Variants in PTPRQ observed in about 807,000 individuals in gnomAD.
PTPRQ encodes the protein protein tyrosine phosphatase receptor type Q, also known as phosphatidylinositol phosphatase PTPRQ.
In PTPRQ, 199 loss-of-function variants were observed where a neutral mutation model predicts 246.0. The ratio of observed to expected loss-of-function variants is 0.81; its 90% CI spans 0.72 to 0.91. The LOEUF (loss-of-function observed/expected upper bound fraction) is 0.91, where lower values mean the gene tolerates loss of function less well. Among genes scored for constraint, PTPRQ ranks in the 40% least tolerant of loss-of-function variants. The pLI is 0.00. For missense variants in PTPRQ, 2,624 were observed against 2,528.4 expected (o/e 1.04, Z -0.81); for synonymous variants, 869 against 853.2 (o/e 1.02, Z -0.32).
Position 80,614,967 on chromosome 12 carries a change from C to T in PTPRQ, c.5163+1131C>T, listed in dbSNP as rs992095086. ...GTTTGCAGACTGCAATTTGCAGTAT[C>T]CTTAAAACCTTGAAGTTTGTTAGGA... On this transcript the variant is annotated intron_variant, in intron 29 of 44. Transcript: ENST00000644991. 2.0e-5 allele frequency among the ~76,000 whole-genome samples: 3 copies of T among 150,858 alleles called. No homozygotes were observed. In the Admixed American group the frequency reaches 2.0e-4, roughly 10 times the overall value.
intron 17 of PTPRQ, among the ~76,000 whole-genome samples, chr12:80,526,921 T>A (rs1256112794): frequency 4.6e-5 from 7 of 152,080 alleles, no homozygotes; most frequent in Admixed American, 4.6e-4. Flanking sequence ...GGCACTGATT[T>A]ACTGAAAAAA....
intron 35 of PTPRQ, among the ~76,000 whole-genome samples, chr12:80,644,906 A>G (rs1013714193): frequency 1.2e-4 from 18 of 152,108 alleles, no homozygotes; most frequent in Admixed American, 8.5e-4. Flanking sequence ...TCTAACTTTT[A>G]TTTGAAATAG....
intron 12 of PTPRQ, 24 bp downstream of exon 12, chr12:80,495,395 G>GTTGTA: frequency 6.7e-7 from 1 of 1,490,556 alleles, no homozygotes; most frequent in Non-Finnish European, 8.9e-7. Context: ...TTTTGTTGTT[G>GTTGTA]TTGTTGTTGT....
chr12:80,542,473 A>T, intron 22 of PTPRQ, 109 bp downstream of exon 22: 1 of 1,409,950 alleles, frequency 7.1e-7, no homozygotes, highest in East Asian at 2.6e-5. Flanking sequence ...TCTATTTGTA[A>T]CAGCCTTACC....
rs375866353 is a variant in PTPRQ at position 80,644,910 on chromosome 12, G to C, written c.5916-3987G>C. On this transcript the variant is annotated intron_variant, in intron 35 of 44. Coordinates refer to ENST00000644991, the MANE Select transcript of PTPRQ (RefSeq NM_001145026.2). ...GGAAGGAAATATCTAACTTTTATTT[G>C]AAATAGTCAGGTAATGTACCTCAAA... is the stretch of plus-strand genomic sequence containing the variant. 5.9e-5 allele frequency among the ~76,000 whole-genome samples: 9 copies of C among 152,132 alleles called. No homozygotes were observed. The East Asian group carries it at 1.2e-3, about 20-fold the overall frequency.
chr12:80,580,088 A>G (rs557775188), intron 25 of PTPRQ, among the ~76,000 whole-genome samples: 3 of 152,174 alleles, frequency 2.0e-5, no homozygotes, highest in Non-Finnish European at 4.4e-5. Flanking sequence ...GCAATTTCTA[A>G]TAACTGATAT....
intron 38 of PTPRQ, among the ~76,000 whole-genome samples, chr12:80,654,755 G>A (rs540726309): frequency 1.7e-4 from 26 of 151,720 alleles, no homozygotes; most frequent in African/African-American, 6.3e-4. Context: ...AGCTACTCGA[G>A]AGGCTGAGGC....
At chr12:80,607,680 G>A (rs1898379191) in intron 27 of PTPRQ, among the ~76,000 whole-genome samples, 1 of 150,790 alleles carries the variant, frequency 6.6e-6, no homozygotes, top group African/African-American at 2.4e-5. Flanking sequence ...TTGCACTTGG[G>A]ACTTATTGTG....
chr12:80,511,660 C>T (rs770060155), intron 17 of PTPRQ, among the ~76,000 whole-genome samples: 6 of 152,090 alleles, frequency 3.9e-5, no homozygotes, highest in Non-Finnish European at 8.8e-5. Context: ...GAGCTGTGAT[C>T]CAGTTGACAA....
Position 80,445,511 on chromosome 12 carries a change from C to G in PTPRQ, c.184C>G (p.Leu62Val). The G allele has an allele frequency of 6.5e-7, 1 of 1,544,784 alleles. No homozygotes were observed. The stretch of plus-strand genomic sequence containing the variant: ...AATAGAACCAGGGCCTCCAGTCTTC[C>G]TAGCCGGGGAAAGAGTCGGATCTGC... ...NVTKPGPPVF[L>V]AGERVGSAGI... Residue 62 changes from leucine (L) to valine (V), a missense_variant, in exon 3 of 45, where the codon CTA (leucine) becomes GTA (valine). Transcript: ENST00000644991.
intron 17 of PTPRQ, among the ~76,000 whole-genome samples, chr12:80,515,507 G>A (rs1895265699): frequency 6.6e-6 from 1 of 151,016 alleles, no homozygotes; most frequent in Admixed American, 6.6e-5. Context: ...TGCAACCTCT[G>A]CCTCCTGGGT....
At chr12:80,649,265 G>C (rs911654005) in intron 36 of PTPRQ, among the ~76,000 whole-genome samples, 7 of 152,100 alleles carry the variant, frequency 4.6e-5, no homozygotes, top group African/African-American at 1.7e-4. Context: ...GTCTGACAAA[G>C]AGGTATTATG....
Position 80,669,042 on chromosome 12 carries a change from A to G in PTPRQ, c.6228A>G (p.Gln2076=). 6.5e-7 allele frequency: 1 copy of G among 1,550,292 alleles called. No individual in the cohort carries two copies. Among genetic ancestry groups the G allele is most frequent in the Non-Finnish European group, 8.7e-7 (1 of 1,145,974 alleles). ...YLCPNEFIAT[Q]GPLPGTVGDF... is the part of the protein sequence containing the mutation. The stretch of plus-strand genomic sequence containing the variant: ...GTCCAAATGAATTTATTGCTACTCA[A>G]GGTCCACTACCAGGAACAGTTGGAG... Residue 2076 remains glutamine, a synonymous_variant, in exon 40 of 45, where the codon CAA becomes CAG. Transcript: ENST00000644991.
At position 80,541,757 on chromosome 12, in the gene PTPRQ, T is replaced by C. The variant is rs949854422; in HGVS notation, c.3357T>C (p.Thr1119=). Residue 1119 remains threonine (T), a synonymous_variant, in exon 21 of 45, where the codon ACT becomes ACC. Coordinates refer to ENST00000644991, the MANE Select transcript of PTPRQ (RefSeq NM_001145026.2). ...ATTTTGATAATCTGGAAAAATACAC[T>C]GATTATATATTAAAAATTACTCCAT... The part of the protein sequence containing the change: ...SIYFDNLEKY[T]DYILKITPST... 10 of 1,550,904 alleles carry C rather than the reference T, an allele frequency of 6.4e-6. No homozygotes were observed. Among genetic ancestry groups the C allele is most frequent in the Non-Finnish European group, 7.8e-6 (9 of 1,146,558 alleles).
chr12:80,657,398 T>C (rs897341428), intron 38 of PTPRQ, among the ~76,000 whole-genome samples: 4 of 151,980 alleles, frequency 2.6e-5, no homozygotes, highest in Middle Eastern at 3.6e-3. Context: ...GTTCAGAGTA[T>C]GAATTGTTAG....
intron 26 of PTPRQ, among the ~76,000 whole-genome samples, chr12:80,602,910 C>T (rs940090203): frequency 4.0e-5 from 6 of 151,736 alleles, no homozygotes; most frequent in African/African-American, 1.5e-4. Context: ...CCATTCTGAT[C>T]CTATTTGCCT....
chr12:80,454,768 T>C (rs1265478891), intron 3 of PTPRQ, among the ~76,000 whole-genome samples: 1 of 151,624 alleles, frequency 6.6e-6, no homozygotes, highest in Non-Finnish European at 1.5e-5. Flanking sequence ...AAAAAAAAAC[T>C]TTAAGTTTAA....
At chr12:80,511,039 G>A (rs1404128615) in intron 17 of PTPRQ, among the ~76,000 whole-genome samples, 1 of 152,046 alleles carries the variant, frequency 6.6e-6, no homozygotes, top group East Asian at 1.9e-4. Context: ...TTGATGTAAT[G>A]TAAATCCTCT....
chr12:80,497,472 T>A (rs1894665575), intron 14 of PTPRQ, among the ~76,000 whole-genome samples: 1 of 152,066 alleles, frequency 6.6e-6, no homozygotes. Context: ...TTTATGATGC[T>A]CACCTGCTGT....
Sources: allele counts gnomAD v4.1 joint callset (sites outside exome capture counted in the v4.1 genomes callset), GRCh38; gene constraint gnomAD v4.1.1; transcripts MANE v1.5; gene names NCBI Gene and HGNC (gene_info 2026-07-23, HGNC 2026-07-21).